Variants in FRYL observed in about 807,000 individuals in gnomAD.
FRYL encodes protein furry homolog-like.
In FRYL, 150 loss-of-function variants were observed where a neutral mutation model predicts 351.2. The ratio of observed to expected loss-of-function variants is 0.43; its 90% confidence interval spans 0.37 to 0.49. The LOEUF is 0.49. Among genes scored for constraint, FRYL ranks in the 20% least tolerant of loss-of-function variants. FRYL has a pLI of 0.00. For synonymous variants in FRYL, 1,153 were observed against 1,257.1 expected, an observed-to-expected ratio of 0.92 and a Z score of 1.75; for missense variants, 3,036 against 3,619.3, an observed-to-expected ratio of 0.84 and a Z score of 4.13.
chr4:48,632,109 T>TA (rs1753286339), intron 4 of FRYL, among the ~76,000 whole-genome samples: 1 of 55,752 alleles, frequency 1.8e-5, no homozygotes, highest in Non-Finnish European at 3.8e-5. Flanking sequence ...TATATATATA[T>TA]ATATATATAT....
At chr4:48,620,442 T>C (rs988155571) in intron 6 of FRYL, among the ~76,000 whole-genome samples, 197 bp downstream of exon 6, 1 of 152,234 alleles carries the variant, frequency 6.6e-6, no homozygotes, top group Non-Finnish European at 1.5e-5. Context: ...TAGGGCTACA[T>C]CTAGTTTAAC....
rs768038698 is a variant in FRYL, at chr4:48,531,290, C to T, written c.6769G>A (p.Val2257Ile). The T allele has an allele frequency of 5.0e-6, 8 of 1,613,628 alleles. No homozygotes were observed. Among genetic ancestry groups the T allele is most frequent in the Non-Finnish European group, 5.9e-6 (7 of 1,179,738 alleles). The change falls in exon 50 of 64, where the codon GTC becomes ATC. Residue 2257 changes from valine (V) to isoleucine (I), a missense_variant. Val to Ile is a conservative substitution (Grantham distance 29, BLOSUM62 3). Coordinates refer to ENST00000358350, the MANE Select transcript of FRYL (RefSeq NM_015030.2). Reference protein sequence around the residue: ...KLVVSRSASLVVPSDIPKTYG... With the variant: ...KLVVSRSASLIVPSDIPKTYG... ...GTCTTGGGGATATCACTGGGTACGA[C>T]AAGACTCGCAGAGCGTGACACCACC...
At chr4:48,723,640 T>C (rs1282870404) in intron 1 of FRYL, among the ~76,000 whole-genome samples, 1 of 152,070 alleles carries the variant, frequency 6.6e-6, no homozygotes, top group Admixed American at 6.6e-5. Flanking sequence ...ATACTGTATA[T>C]CCTAACTCAG....
chr4:48,630,287 TGAG>T (rs1166584153), intron 4 of FRYL, among the ~76,000 whole-genome samples: 1 of 152,010 alleles, frequency 6.6e-6, no homozygotes, highest in Non-Finnish European at 1.5e-5. Context: ...AATAAACATG[TGAG>T]GAGAAGGTAA....
intron 1 of FRYL, among the ~76,000 whole-genome samples, chr4:48,730,190 G>A (rs1770568693): frequency 6.6e-6 from 1 of 152,114 alleles, no homozygotes; most frequent in African/African-American, 2.4e-5. Context: ...GAGAAAAAAA[G>A]AGTGAAAAGA....
intron 9 of FRYL, among the ~76,000 whole-genome samples, chr4:48,608,370 T>C (rs1747307988): frequency 6.6e-6 from 1 of 152,198 alleles, no homozygotes; most frequent in South Asian, 2.1e-4. Context: ...TTTTTCCTTA[T>C]AAATTTCCCA....
At chr4:48,730,838 A>G (rs1359420219) in intron 1 of FRYL, among the ~76,000 whole-genome samples, 1 of 152,212 alleles carries the variant, frequency 6.6e-6, no homozygotes, top group Admixed American at 6.5e-5. Flanking sequence ...AGCTAGCATC[A>G]TAATGACAGG....
At chr4:48,691,990 A>G (rs922631312) in intron 2 of FRYL, among the ~76,000 whole-genome samples, 1 of 152,260 alleles carries the variant, frequency 6.6e-6, no homozygotes, top group African/African-American at 2.4e-5. Flanking sequence ...CTGAGCAACT[A>G]TAATTTAGAA....
intron 3 of FRYL, among the ~76,000 whole-genome samples, chr4:48,649,985 TTTTCTTC>T (rs1216580282): frequency 2.6e-5 from 4 of 152,182 alleles, no homozygotes; most frequent in African/African-American, 9.7e-5. Flanking sequence ...TCTTTTTCTT[TTTTCTTC>T]AGGAGGGTAG....
At chr4:48,671,882 A>AAC (rs1762812418) in intron 3 of FRYL, among the ~76,000 whole-genome samples, 1 of 148,094 alleles carries the variant, frequency 6.8e-6, no homozygotes, top group Admixed American at 6.8e-5. Context: ...ACAAAAAAAA[A>AAC]AAAAAAAAAG....
chr4:48,644,575 A>G (rs1756011757), intron 3 of FRYL, among the ~76,000 whole-genome samples: 1 of 151,562 alleles, frequency 6.6e-6, no homozygotes, highest in Admixed American at 6.6e-5. Flanking sequence ...GAAAAAGATT[A>G]TCTAGTAAAA....
intron 3 of FRYL, among the ~76,000 whole-genome samples, chr4:48,669,160 T>G (rs1762240586): frequency 6.6e-6 from 1 of 152,206 alleles, no homozygotes; most frequent in South Asian, 2.1e-4. Flanking sequence ...TTTTCTTATC[T>G]CCTTTGTTTC....
At chr4:48,713,926 A>G (rs1478156918) in intron 1 of FRYL, among the ~76,000 whole-genome samples, 1 of 152,184 alleles carries the variant, frequency 6.6e-6, no homozygotes, top group Non-Finnish European at 1.5e-5. Context: ...ACTATCTCTC[A>G]GACCACAGTG....
intron 18 of FRYL, among the ~76,000 whole-genome samples, chr4:48,589,263 C>T (rs1742767724): frequency 6.6e-6 from 1 of 151,864 alleles, no homozygotes; most frequent in Non-Finnish European, 1.5e-5. Flanking sequence ...ATGACAAGGC[C>T]CTTGGGGTGG....
chr4:48,527,649 A>G lies in FRYL; in HGVS notation c.7145T>C (p.Val2382Ala). ...TTCCAAATCCTCATTAGAAGAAAAT[A>G]CAACCTGATGCCCGATTAAAAAAAA... ...ESGLPKNPSVVFSSNEDLEVG... is the reference protein window; with the variant it reads ...ESGLPKNPSVAFSSNEDLEVG... The change falls in exon 53 of 64, where the codon GTA (valine) becomes GCA (alanine). Residue 2382 changes from valine (V) to alanine (A), a missense_variant. Val to Ala is a moderately conservative substitution (Grantham distance 64). This residue lies in a region of FRYL where 1,987 missense variants were observed against 2,311.7 expected (regional missense o/e 0.86). Transcript: ENST00000358350. 1 of 1,584,464 alleles carries G rather than the reference A, an allele frequency of 6.3e-7. No homozygotes were observed. The highest frequency in any genetic ancestry group is 8.5e-7 in the Non-Finnish European group (1 of 1,171,936).
chr4:48,571,649 G>A (rs1738357806), intron 26 of FRYL: 1 of 985,094 alleles, frequency 1.0e-6, no homozygotes, highest in Admixed American at 6.2e-5. Context: ...CTGCCTTCCA[G>A]GTGCATGATA....
At chr4:48,580,127 C>T (rs1477879484) in intron 22 of FRYL, among the ~76,000 whole-genome samples, 1 of 151,982 alleles carries the variant, frequency 6.6e-6, no homozygotes, top group Admixed American at 6.6e-5. Flanking sequence ...TTATTACCTC[C>T]CTTGGCTACA....
chr4:48,665,305 A>G (rs1278072816), intron 3 of FRYL, among the ~76,000 whole-genome samples: 1 of 152,192 alleles, frequency 6.6e-6, no homozygotes, highest in Non-Finnish European at 1.5e-5. Context: ...ACACCATACC[A>G]ATTTCCTATC....
At chr4:48,559,648 G>C (rs1734974551) in intron 33 of FRYL, among the ~76,000 whole-genome samples, 1 of 114,848 alleles carries the variant, frequency 8.7e-6, no homozygotes, top group African/African-American at 3.3e-5. Flanking sequence ...GAGGAAGAGG[G>C]AGGGAGGGAG....
Sources: gnomAD v4.1 joint callset for allele counts (sites outside exome capture counted in the v4.1 genomes callset) on GRCh38, gnomAD v4.1.1 for gene constraint, gnomAD v4.1.1 regional missense constraint, MANE v1.5 for transcripts, NCBI Gene and HGNC (gene_info 2026-07-23, HGNC 2026-07-21) for gene names.